The following TMEM117 variants were observed in gnomAD, a reference collection of about 807,000 sequenced individuals.
TMEM117 encodes the protein transmembrane protein 117.
TMEM117 carries 27 observed loss-of-function variants against 52.4 expected under a neutral mutation model. The observed-to-expected ratio is 0.51, with a 90% CI of 0.38 to 0.71. The LOEUF is 0.71. Among genes scored for constraint, TMEM117 ranks in the 30% least tolerant of loss-of-function variants. The pLI, the probability that TMEM117 is intolerant of heterozygous loss-of-function variation, is 0.00. For missense variants in TMEM117, 556 were observed against 630.5 expected (o/e 0.88, Z 1.26); for synonymous variants, 215 against 206.3 (o/e 1.04, Z -0.36).
At chr12:43,955,644 C>T (rs1245455111) in intron 3 of TMEM117, among the ~76,000 whole-genome samples, 1 of 152,110 alleles carries the variant, frequency 6.6e-6, no homozygotes, top group African/African-American at 2.4e-5. Context: ...AGAAAGGACA[C>T]AGGCAGATGG....
At chr12:44,289,228 TGTGTGTGTG>T (rs1950672809) in intron 5 of TMEM117, among the ~76,000 whole-genome samples, 4 of 18,674 alleles carry the variant, frequency 2.1e-4, no homozygotes, top group Non-Finnish European at 3.3e-4. Flanking sequence ...TCCCATTTTG[TGTGTGTGTG>T]TGTGTGTGTG....
chr12:43,804,558 T>C, the TMEM117 span: 1 of 1,600,348 alleles, frequency 6.2e-7, no homozygotes, highest in Non-Finnish European at 8.5e-7. Flanking sequence ...AAGATCTCTT[T>C]AACATCTTCA....
intron 4 of TMEM117, among the ~76,000 whole-genome samples, chr12:44,164,089 G>C (rs538002562): frequency 4.0e-4 from 61 of 152,148 alleles, no homozygotes; most frequent in Admixed American, 7.2e-4. Context: ...CAGTGGTCTT[G>C]GAATGAGAAG....
chr12:43,840,497 A>G (rs1162382572), intron 1 of TMEM117, among the ~76,000 whole-genome samples: 2 of 152,190 alleles, frequency 1.3e-5, no homozygotes, highest in African/African-American at 2.4e-5. Context: ...CTTGGACTCC[A>G]CTGCTTCTCT....
chr12:44,277,984 G>A (rs1182057772), intron 5 of TMEM117, among the ~76,000 whole-genome samples: 12 of 151,682 alleles, frequency 7.9e-5, no homozygotes, highest in African/African-American at 2.2e-4. Flanking sequence ...GGCTGGTCTC[G>A]AACTCCTGAC....
At chr12:43,828,163 A>G in the TMEM117 span, among the ~76,000 whole-genome samples, 1 of 152,248 alleles carries the variant, frequency 6.6e-6, no homozygotes, top group Non-Finnish European at 1.5e-5. Flanking sequence ...AAATGAATAC[A>G]GTGAGGATAG....
chr12:44,372,205 A>G (rs1951873354), intron 6 of TMEM117, among the ~76,000 whole-genome samples: 1 of 152,250 alleles, frequency 6.6e-6, no homozygotes, highest in East Asian at 1.9e-4. Flanking sequence ...AAAGAACAAA[A>G]TAAATGAATA....
intron 2 of TMEM117, among the ~76,000 whole-genome samples, chr12:43,889,534 G>T (rs548664386): frequency 2.6e-5 from 4 of 152,346 alleles, no homozygotes; most frequent in African/African-American, 7.2e-5. Context: ...CATCTGCTGC[G>T]CAGTCCAGTT....
At chr12:44,293,469 A>G (rs1433090567) in intron 5 of TMEM117, among the ~76,000 whole-genome samples, 1 of 152,034 alleles carries the variant, frequency 6.6e-6, no homozygotes, top group African/African-American at 2.4e-5. Context: ...TCCACTTTTT[A>G]AAATGTTTTG....
chr12:43,828,847 T>C, the TMEM117 span, among the ~76,000 whole-genome samples: 1 of 152,228 alleles, frequency 6.6e-6, no homozygotes, highest in African/African-American at 2.4e-5. Context: ...TTCTTCGTCT[T>C]TCCCTCCTTT....
chr12:43,912,443 C>CATACATGGCACAT (rs1352732161), intron 2 of TMEM117, among the ~76,000 whole-genome samples: 2 of 149,028 alleles, frequency 1.3e-5, no homozygotes, highest in Admixed American at 6.7e-5. Flanking sequence ...CACATGTATA[C>CATACATGGCACAT]GTATGTAACT....
chr12:44,206,320 C>T (rs911761326), intron 4 of TMEM117, among the ~76,000 whole-genome samples: 41 of 152,116 alleles, frequency 2.7e-4, no homozygotes, highest in African/African-American at 8.9e-4. Context: ...GCCAGGTTTT[C>T]CTTGCCGTCA....
chr12:43,821,863 A>T, the TMEM117 span, among the ~76,000 whole-genome samples: 1 of 152,194 alleles, frequency 6.6e-6, no homozygotes, highest in Non-Finnish European at 1.5e-5. Context: ...CCTCTCAAGA[A>T]AGGTAAGTTT....
At chr12:44,131,979 G>T (rs1368359202) in intron 3 of TMEM117, among the ~76,000 whole-genome samples, 1 of 151,726 alleles carries the variant, frequency 6.6e-6, no homozygotes, top group Non-Finnish European at 1.5e-5. Flanking sequence ...TATTTTCCTT[G>T]TTAGAGATTT....
At chr12:44,341,044 G>A (rs1489937797) in intron 6 of TMEM117, among the ~76,000 whole-genome samples, 3 of 151,892 alleles carry the variant, frequency 2.0e-5, no homozygotes, top group East Asian at 3.9e-4. Context: ...CTGTTACTCA[G>A]GCTGGAGTGC....
chr12:43,898,181 G>A (rs997162666), intron 2 of TMEM117, among the ~76,000 whole-genome samples: 3 of 151,898 alleles, frequency 2.0e-5, no homozygotes, highest in Non-Finnish European at 4.4e-5. Flanking sequence ...AGATGAGTTT[G>A]TAGATTTGGG....
chr12:44,321,679 G>C (rs1951132013), intron 6 of TMEM117, among the ~76,000 whole-genome samples: 1 of 152,066 alleles, frequency 6.6e-6, no homozygotes, highest in Non-Finnish European at 1.5e-5. Flanking sequence ...CTTATATTAT[G>C]ATGGGTGAAA....
intron 3 of TMEM117, among the ~76,000 whole-genome samples, chr12:43,962,183 T>G (rs1945415187): frequency 6.6e-6 from 1 of 152,248 alleles, no homozygotes; most frequent in Non-Finnish European, 1.5e-5. Context: ...GGTAATACTT[T>G]TTTTCATAGT....
intron 3 of TMEM117, among the ~76,000 whole-genome samples, chr12:44,034,479 T>C (rs1488104488): frequency 6.6e-6 from 1 of 152,210 alleles, no homozygotes; most frequent in East Asian, 1.9e-4. Flanking sequence ...TTAAAATATA[T>C]GTGTGATGTT....
Sources: gnomAD v4.1 joint callset for allele counts (sites outside exome capture counted in the v4.1 genomes callset) on GRCh38, gnomAD v4.1.1 for gene constraint, MANE v1.5 for transcripts, NCBI Gene and HGNC (gene_info 2026-07-23, HGNC 2026-07-21) for gene names.